The following PXDNL variants were observed in gnomAD, a reference collection of about 807,000 sequenced individuals.
PXDNL encodes peroxidasin like.
Under a neutral mutation model 150.8 loss-of-function variants are expected in PXDNL, and 145 were observed. The ratio of observed to expected loss-of-function variants is 0.96; its 90% CI spans 0.84 to 1.10. The LOEUF is 1.10. Among genes scored for constraint, PXDNL ranks in the 50% least tolerant of loss-of-function variants. The pLI, the probability that PXDNL is intolerant of heterozygous loss-of-function variation, is 0.00. For synonymous variants in PXDNL, 757 were observed against 725.7 expected (o/e 1.04, Z -0.69); for missense variants, 2,087 against 1,873.9 (o/e 1.11, Z -2.10).
At chr8:51,654,239 A>G (rs1407587907) in intron 2 of PXDNL, among the ~76,000 whole-genome samples, 1 of 152,250 alleles carries the variant, frequency 6.6e-6, no homozygotes, top group Non-Finnish European at 1.5e-5. Flanking sequence ...TTCATTTAAG[A>G]CTATCATAAA....
In PXDNL at chr8:51,475,062, C is replaced by A; in HGVS notation, c.604G>T (p.Gly202Cys). The A allele has an allele frequency of 6.2e-7, 1 of 1,613,670 alleles. No homozygotes were observed. The highest frequency in any genetic ancestry group is 8.5e-7 in the Non-Finnish European group (1 of 1,179,792). The change falls in exon 7 of 23, where the codon GGC becomes TGC. Residue 202 changes from glycine to cysteine, a missense_variant. Coordinates refer to ENST00000356297, the MANE Select transcript of PXDNL (RefSeq NM_144651.5). Reference protein sequence around the residue: ...GELLQGFAQHGHTQAAATCEY... With the variant: ...GELLQGFAQHCHTQAAATCEY... ...CAGGTAGCCGCAGCCTGGGTGTGGC[C>A]GTGTTGGGCAAAGCCTTGTAAAAGC...
chr8:51,748,636 C>G (rs1222846465), intron 1 of PXDNL, among the ~76,000 whole-genome samples: 1 of 152,208 alleles, frequency 6.6e-6, no homozygotes, highest in Non-Finnish European at 1.5e-5. Flanking sequence ...TTTTAAAAAA[C>G]TGTGAACAAG....
rs560465687 is a variant in PXDNL at position 51,663,336 on chromosome 8, G to A, written c.165-8576C>T. ...GGCTGCACCGGAAAACCCATCTCCT[G>A]ATTTCCTTGTTAGTACAATTTCCCC... On this transcript the variant is annotated intron_variant, in intron 1 of 22. Coordinates refer to ENST00000356297, the MANE Select transcript of PXDNL (RefSeq NM_144651.5). Among the ~76,000 whole-genome samples, 7 of 152,296 alleles carry A rather than the reference G, an allele frequency of 4.6e-5. No individual in the cohort carries two copies. In the South Asian group the frequency reaches 1.5e-3, roughly 32 times the overall value.
At chr8:51,555,984 C>A (rs1258309358) in intron 4 of PXDNL, among the ~76,000 whole-genome samples, 1 of 152,138 alleles carries the variant, frequency 6.6e-6, no homozygotes, top group Non-Finnish European at 1.5e-5. Flanking sequence ...AATAATAATG[C>A]TACAGGGCTA....
chr8:51,752,386 A>G (rs1261771336), intron 1 of PXDNL, among the ~76,000 whole-genome samples: 2 of 151,838 alleles, frequency 1.3e-5, no homozygotes, highest in Non-Finnish European at 2.9e-5. Flanking sequence ...TCATGCTTTA[A>G]GGCCCACGAA....
chr8:51,753,144 T>C (rs1012728103), intron 1 of PXDNL, among the ~76,000 whole-genome samples: 10 of 152,250 alleles, frequency 6.6e-5, no homozygotes, highest in African/African-American at 2.4e-4. Flanking sequence ...TTTCTCTTGA[T>C]TGCGTAACAT....
intron 17 of PXDNL, among the ~76,000 whole-genome samples, chr8:51,391,318 C>T (rs1193157360): frequency 6.6e-6 from 1 of 152,136 alleles, no homozygotes; most frequent in East Asian, 1.9e-4. Context: ...AATTGCCACA[C>T]TGACTTCCAC....
intron 3 of PXDNL, among the ~76,000 whole-genome samples, chr8:51,580,145 T>C (rs889419075): frequency 1.3e-5 from 2 of 152,078 alleles, no homozygotes; most frequent in African/African-American, 4.8e-5. Flanking sequence ...GTTGCCAGGA[T>C]TTGAAGAAGG....
At chr8:51,439,688 G>A (rs1249474496) in intron 12 of PXDNL, among the ~76,000 whole-genome samples, 1 of 151,988 alleles carries the variant, frequency 6.6e-6, no homozygotes, top group Admixed American at 6.6e-5. Context: ...AGCAAGGCAT[G>A]TTAACACACA....
intron 1 of PXDNL, among the ~76,000 whole-genome samples, chr8:51,726,671 G>A (rs559812412): frequency 2.0e-5 from 3 of 152,182 alleles, no homozygotes; most frequent in East Asian, 3.9e-4. Context: ...ACTTAAAGCA[G>A]CACAAGGCTT....
chr8:51,377,553 T>G (rs1183073286), intron 17 of PXDNL, among the ~76,000 whole-genome samples: 3 of 152,098 alleles, frequency 2.0e-5, no homozygotes, highest in Non-Finnish European at 4.4e-5. Context: ...CTGCACAGGG[T>G]GCTTGCGGGC....
At chr8:51,604,862 A>G (rs1013917854) in intron 2 of PXDNL, among the ~76,000 whole-genome samples, 1 of 151,776 alleles carries the variant, frequency 6.6e-6, no homozygotes, top group Non-Finnish European at 1.5e-5. Context: ...CAGAGTTTGT[A>G]TAGTATTAGG....
At chr8:51,652,457 AC>A (rs1563496465) in intron 2 of PXDNL, among the ~76,000 whole-genome samples, 1 of 150,744 alleles carries the variant, frequency 6.6e-6, no homozygotes, top group African/African-American at 2.4e-5. Flanking sequence ...ACACACACAC[AC>A]ACAAACACAC....
intron 2 of PXDNL, among the ~76,000 whole-genome samples, chr8:51,595,181 C>T (rs536503967): frequency 6.6e-6 from 1 of 152,100 alleles, no homozygotes; most frequent in South Asian, 2.1e-4. Context: ...CAATATGGAC[C>T]AATGGCCCAG....
intron 22 of PXDNL, among the ~76,000 whole-genome samples, chr8:51,320,361 CTTTTG>C (rs1424573476): frequency 6.6e-6 from 1 of 152,176 alleles, no homozygotes; most frequent in Non-Finnish European, 1.5e-5. Context: ...TTTTTATTTT[CTTTTG>C]TTTTGGTAGA....
intron 1 of PXDNL, among the ~76,000 whole-genome samples, chr8:51,788,935 C>A (rs896223346): frequency 2.0e-5 from 3 of 150,342 alleles, no homozygotes; most frequent in Non-Finnish European, 4.4e-5. Flanking sequence ...TCAAATGAAC[C>A]CCAGTACTCC....
intron 1 of PXDNL, among the ~76,000 whole-genome samples, chr8:51,768,269 T>G (rs549467902): frequency 2.4e-4 from 37 of 152,222 alleles, no homozygotes; most frequent in Middle Eastern, 3.4e-3. Context: ...GTTTTTTTTT[T>G]TTTGTTTTTG....
chr8:51,323,330 A>G (rs1056295596), intron 21 of PXDNL, among the ~76,000 whole-genome samples: 1 of 151,992 alleles, frequency 6.6e-6, no homozygotes, highest in Non-Finnish European at 1.5e-5. Flanking sequence ...CCCAGGCTGG[A>G]GTGTAGTGGC....
At chr8:51,728,271 T>A (rs1168142864) in intron 1 of PXDNL, among the ~76,000 whole-genome samples, 3 of 152,258 alleles carry the variant, frequency 2.0e-5, no homozygotes, top group Admixed American at 1.3e-4. Context: ...TAATACTTGA[T>A]AATGATAATA....
Sources: gnomAD v4.1 joint callset for allele counts (sites outside exome capture counted in the v4.1 genomes callset) on GRCh38, gnomAD v4.1.1 for gene constraint, MANE v1.5 for transcripts, NCBI Gene and HGNC (gene_info 2026-07-23, HGNC 2026-07-21) for gene names.